SERPINB5: variants seen among roughly 807,000 people sequenced by gnomAD.
The protein encoded by SERPINB5 is serpin family B member 5.
Under a neutral mutation model 32.2 loss-of-function variants are expected in SERPINB5, and 27 were observed. The observed-to-expected ratio is 0.84, with a 90% CI of 0.62 to 1.16. The LOEUF is 1.16. Among genes scored for constraint, SERPINB5 ranks in the 50% most tolerant of loss-of-function variants. The pLI, the probability that SERPINB5 is intolerant of heterozygous loss-of-function variation, is 0.00. For synonymous variants in SERPINB5, 154 were observed against 157.4 expected, an observed-to-expected ratio of 0.98 and a Z score of 0.16; for missense variants, 388 against 436.3, an observed-to-expected ratio of 0.89 and a Z score of 0.99.
rs571210087 is a variant in SERPINB5 at position 63,491,838 on chromosome 18, C to T, written c.425-1115C>T. On this transcript the variant is annotated intron_variant, in intron 4 of 6. Coordinates refer to ENST00000382771, the MANE Select transcript of SERPINB5 (RefSeq NM_002639.5). The stretch of plus-strand genomic sequence containing the variant: ...TTGAAGTTGAAGCTCTGTCGTTTAC[C>T]GGCTCCCACACTTCTTTGTTCTTCA... Among the ~76,000 whole-genome samples the T allele has an allele frequency of 3.3e-5, 5 of 152,226 alleles. No individual in the cohort carries two copies. In the East Asian group the frequency reaches 9.6e-4, roughly 29 times the overall value.
At chr18:63,482,424 G>A (rs944725813) in intron 1 of SERPINB5, among the ~76,000 whole-genome samples, 2 of 152,174 alleles carry the variant, frequency 1.3e-5, no homozygotes, top group African/African-American at 4.8e-5. Flanking sequence ...GTGTGTGTGC[G>A]CCTGAGGCTT....
chr18:63,503,265 AT>A, intron 6 of SERPINB5, 64 bp from the exon 7 acceptor site: 1 of 1,503,810 alleles, frequency 6.6e-7, no homozygotes, highest in Non-Finnish European at 8.9e-7. Context: ...TATGTTTTCA[AT>A]TGAGCCAGGT....
At chr18:63,501,705 C>G (rs530623936) in intron 6 of SERPINB5, among the ~76,000 whole-genome samples, 11 of 152,276 alleles carry the variant, frequency 7.2e-5, no homozygotes, top group African/African-American at 2.4e-4. Flanking sequence ...TCCAGCACCT[C>G]TTGTTTCCTG....
At chr18:63,480,783 A>G (rs1160827329) in intron 1 of SERPINB5, among the ~76,000 whole-genome samples, 1 of 152,156 alleles carries the variant, frequency 6.6e-6, no homozygotes, top group East Asian at 1.9e-4. Flanking sequence ...GCAGTATTTG[A>G]TTGATTACTT....
chr18:63,504,053 G>A lies in SERPINB5; in HGVS notation c.*331G>A, dbSNP rs1909630519. 1 of 264,576 alleles carries A rather than the reference G, an allele frequency of 3.8e-6. No homozygotes were observed. Among genetic ancestry groups the A allele is most frequent in the African/African-American group, 2.3e-5 (1 of 43,270 alleles). The allele number at this position is 264,576 out of a possible 1,614,324, so 16.4% of individuals were successfully genotyped here. ...TCTTCCACAAAGAAAATTCCTATAA[G>A]GAAGATTTGGAAGCTCTTCTTCCCA... On this transcript the variant is annotated 3_prime_UTR_variant, in exon 7 of 7. Transcript: ENST00000382771.
intron 2 of SERPINB5, chr18:63,486,655 A>G (rs997078713): frequency 1.5e-5 from 4 of 267,402 alleles, no homozygotes; most frequent in Admixed American, 4.8e-5. Context: ...CCACTCTGGG[A>G]TAATCTGGCA....
At chr18:63,497,412 G>T in intron 5 of SERPINB5, 1 of 1,076,642 alleles carries the variant, frequency 9.3e-7, no homozygotes, top group Non-Finnish European at 1.4e-6. Context: ...GCTCTGTGGG[G>T]GTCACCTGCC....
chr18:63,497,497 C>CT, intron 5 of SERPINB5: 31 of 191,404 alleles, frequency 1.6e-4, no homozygotes, highest in Non-Finnish European at 2.0e-4. Flanking sequence ...CACAACGTTT[C>CT]TGAAAAAAAA....
chr18:63,484,723 T>C, intron 2 of SERPINB5, 127 bp downstream of exon 2: 1 of 466,828 alleles, frequency 2.1e-6, no homozygotes, highest in Non-Finnish European at 3.7e-6. Context: ...AACTGTGCCA[T>C]TCCAGGACTC....
At chr18:63,497,326 C>G in intron 5 of SERPINB5, 2 of 1,284,148 alleles carry the variant, frequency 1.6e-6, no homozygotes, top group Non-Finnish European at 2.2e-6. Flanking sequence ...CTATGCGATT[C>G]TGGGCTTTGC....
At chr18:63,481,363 A>G (rs895739516) in intron 1 of SERPINB5, among the ~76,000 whole-genome samples, 5 of 152,242 alleles carry the variant, frequency 3.3e-5, no homozygotes, top group African/African-American at 4.8e-5. Context: ...GATCTTAAAC[A>G]CCATCTTTCT....
chr18:63,503,215 C>A, intron 6 of SERPINB5, 115 bp from the exon 7 acceptor site: 1 of 1,185,956 alleles, frequency 8.4e-7, no homozygotes, highest in South Asian at 1.6e-5. Flanking sequence ...CTTTGATGTT[C>A]CACCCAGACT....
chr18:63,480,975 A>G (rs921102015), intron 1 of SERPINB5, among the ~76,000 whole-genome samples: 20 of 152,200 alleles, frequency 1.3e-4, no homozygotes, highest in Middle Eastern at 3.2e-3. Context: ...AGGAAGGCAG[A>G]TCTCTTTGCG....
intron 6 of SERPINB5, among the ~76,000 whole-genome samples, chr18:63,501,388 G>T (rs1394191573): frequency 6.6e-6 from 1 of 152,050 alleles, no homozygotes; most frequent in East Asian, 1.9e-4. Flanking sequence ...ATTTTTTATG[G>T]CTGCATAGTA....
intron 6 of SERPINB5, among the ~76,000 whole-genome samples, chr18:63,500,042 C>G (rs974663753): frequency 1.3e-5 from 2 of 151,632 alleles, no homozygotes; most frequent in Non-Finnish European, 2.9e-5. Context: ...GAGACAGGGT[C>G]TTGCTCCATT....
At chr18:63,489,574 T>G in intron 4 of SERPINB5, 110 bp downstream of exon 4, 3 of 682,402 alleles carry the variant, frequency 4.4e-6, no homozygotes, top group Non-Finnish European at 7.6e-6. Context: ...TCTCTGGATA[T>G]TTTTACTACA....
At chr18:63,480,011 C>T (rs1016612531) in intron 1 of SERPINB5, among the ~76,000 whole-genome samples, 4 of 152,134 alleles carry the variant, frequency 2.6e-5, no homozygotes, top group African/African-American at 4.8e-5. Context: ...TCAGGTGTGG[C>T]GGGGAAGTGC....
In SERPINB5 at chr18:63,495,607, T is replaced by C. The variant is rs147578225; in HGVS notation, c.567+2512T>C. On this transcript the variant is annotated intron_variant, in intron 5 of 6. Transcript: ENST00000382771. ...TAGTCAATGAGTAGAATGTGGACTT[T>C]TGTGTCAACCACACTAAGGGTCGTA... Among the ~76,000 whole-genome samples, 9 of 152,352 alleles carry C rather than the reference T, an allele frequency of 5.9e-5. No homozygotes were observed. The East Asian group carries it at 1.7e-3, about 29-fold the overall frequency.
chr18:63,490,344 T>A (rs943590703), intron 4 of SERPINB5, among the ~76,000 whole-genome samples: 2 of 152,098 alleles, frequency 1.3e-5, no homozygotes, highest in Non-Finnish European at 2.9e-5. Context: ...GTCTCCCTCG[T>A]CGGACTCCTC....
Sources: gnomAD v4.1 joint callset for allele counts (sites outside exome capture counted in the v4.1 genomes callset) on GRCh38, gnomAD v4.1.1 for gene constraint, MANE v1.5 for transcripts, NCBI Gene and HGNC (gene_info 2026-07-23, HGNC 2026-07-21) for gene names.